TBC1D32: variants seen among roughly 807,000 people sequenced by gnomAD.
TBC1D32 encodes the protein protein broad-minded.
A neutral mutation model predicts 170.3 loss-of-function variants in TBC1D32; 151 were observed. The ratio of observed to expected loss-of-function variants is 0.89; its 90% CI spans 0.78 to 1.01. TBC1D32 has a LOEUF of 1.01. Among genes scored for constraint, TBC1D32 ranks in the 50% least tolerant of loss-of-function variants. The probability of loss-of-function intolerance (pLI) is 0.00; values close to 1 mark genes in which losing one functional copy is unlikely to be tolerated. For missense variants in TBC1D32, 1,464 were observed against 1,457.1 expected (o/e 1.00, Z -0.08); for synonymous variants, 498 against 488.0 (o/e 1.02, Z -0.27).
At chr6:121,334,237 C>A (rs1424786051) in intron 1 of TBC1D32, 39 bp downstream of exon 1, 9 of 1,573,136 alleles carry the variant, frequency 5.7e-6, no homozygotes, top group Admixed American at 1.7e-5. Context: ...CTCTCTGGAT[C>A]GATGGTTTAT....
At position 121,220,100 on chromosome 6, in the gene TBC1D32, A is replaced by T. The variant is rs144176785; in HGVS notation, c.2481+3136T>A. On this transcript the variant is annotated intron_variant, in intron 21 of 31. Transcript: ENST00000398212. The stretch of plus-strand genomic sequence containing the variant: ...TTAGCGCAATTAGTAACCTTACAAA[A>T]CCTCTAAGGGTTCAAATAAAAGGAA... 6.6e-5 allele frequency among the ~76,000 whole-genome samples: 10 copies of T among 152,168 alleles called. No homozygotes were observed. In the East Asian group the frequency reaches 1.9e-3, roughly 29 times the overall value.
At chr6:121,297,836 G>T (rs7772037) in intron 10 of TBC1D32, among the ~76,000 whole-genome samples, 1 of 151,998 alleles carries the variant, frequency 6.6e-6, no homozygotes, top group African/African-American at 2.4e-5. Context: ...AGTCATATGT[G>T]GCTTGTGGTT....
intron 22 of TBC1D32, among the ~76,000 whole-genome samples, chr6:121,173,394 A>C (rs901011379): frequency 7.2e-5 from 11 of 152,136 alleles, no homozygotes; most frequent in Admixed American, 7.2e-4. Flanking sequence ...ACTCCCTTTT[A>C]TATATACTTG....
chr6:121,137,736 G>C (rs1490187734), intron 24 of TBC1D32, among the ~76,000 whole-genome samples: 1 of 151,868 alleles, frequency 6.6e-6, no homozygotes, highest in Non-Finnish European at 1.5e-5. Context: ...GATGTAGAAA[G>C]AGAGACTATA....
chr6:121,116,169 A>C (rs2128201841), intron 26 of TBC1D32, among the ~76,000 whole-genome samples: 1 of 151,400 alleles, frequency 6.6e-6, no homozygotes, highest in Non-Finnish European at 1.5e-5. Context: ...AATATCATGA[A>C]GTTTTTTTTT....
At position 121,223,345 on chromosome 6, in the gene TBC1D32, A is replaced by G; in HGVS notation, c.2372T>C (p.Leu791Ser). The change falls in exon 21 of 32, where the codon TTA (leucine) becomes TCA (serine). Residue 791 changes from leucine to serine, a missense_variant. Physicochemically the swap from Leu to Ser is moderately radical, Grantham distance 145 (BLOSUM62 -2). Coordinates refer to ENST00000398212, the MANE Select transcript of TBC1D32 (RefSeq NM_152730.6). ...ATAGGATAACAAGTTCACCAGTGCT[A>G]AAAAAGACTAGAGGGAAAGAAAACA... ...PIDRSCQKSF[L>S]ALVNLLSYPA... 2 of 1,578,200 alleles carry G rather than the reference A, an allele frequency of 1.3e-6. No individual in the cohort carries two copies. Among genetic ancestry groups the G allele is most frequent in the Non-Finnish European group, 1.7e-6 (2 of 1,162,000 alleles).
chr6:121,175,067 T>C (rs1302060210), intron 22 of TBC1D32, among the ~76,000 whole-genome samples: 1 of 150,334 alleles, frequency 6.7e-6, no homozygotes, highest in Non-Finnish European at 1.5e-5. Context: ...GAACTAATTA[T>C]GATGTAGAGT....
At chr6:121,201,394 G>C (rs1295513704) in intron 22 of TBC1D32, among the ~76,000 whole-genome samples, 2 of 151,376 alleles carry the variant, frequency 1.3e-5, no homozygotes, top group East Asian at 3.9e-4. Context: ...AATGGGCAAA[G>C]GAACTACTTT....
intron 24 of TBC1D32, among the ~76,000 whole-genome samples, chr6:121,141,255 G>T (rs767978930): frequency 4.6e-5 from 7 of 152,024 alleles, no homozygotes; most frequent in African/African-American, 7.2e-5. Flanking sequence ...CTCTGAAGAA[G>T]TGACATTTAG....
intron 15 of TBC1D32, among the ~76,000 whole-genome samples, chr6:121,262,229 C>A (rs950372980): frequency 6.6e-6 from 1 of 152,000 alleles, no homozygotes; most frequent in Non-Finnish European, 1.5e-5. Flanking sequence ...GGAGAACTTC[C>A]CCAACCTAGC....
intron 30 of TBC1D32, chr6:121,095,908 T>TC (rs1307339937): frequency 1.3e-5 from 2 of 152,174 alleles, no homozygotes; most frequent in East Asian, 3.9e-4. Context: ...TGTGTGTGTC[T>TC]CTGCCAGGTT....
intron 15 of TBC1D32, among the ~76,000 whole-genome samples, chr6:121,276,755 C>T (rs914824180): frequency 6.6e-6 from 1 of 152,078 alleles, no homozygotes; most frequent in Non-Finnish European, 1.5e-5. Context: ...GCTGGAGTAG[C>T]TGTATTAGTT....
intron 30 of TBC1D32, among the ~76,000 whole-genome samples, chr6:121,095,695 G>A (rs994514297): frequency 1.1e-4 from 16 of 151,980 alleles, no homozygotes; most frequent in African/African-American, 3.6e-4. Context: ...GATAATCGTG[G>A]TTTTTGTCAT....
chr6:121,307,258 C>A (rs527936751), intron 5 of TBC1D32, among the ~76,000 whole-genome samples: 1 of 152,030 alleles, frequency 6.6e-6, no homozygotes, highest in African/African-American at 2.4e-5. Context: ...GCCTATAATA[C>A]CCAGCTACTT....
intron 3 of TBC1D32, 73 bp downstream of exon 3, chr6:121,317,422 A>AG: frequency 8.1e-7 from 1 of 1,228,960 alleles, no homozygotes; most frequent in Non-Finnish European, 1.1e-6. Flanking sequence ...AAATATGGCT[A>AG]AGAAATAATT....
In TBC1D32 at chr6:121,080,880, A is replaced by C. The variant is rs1385569598; in HGVS notation, c.3665T>G (p.Leu1222Arg). 3 of 1,610,046 alleles carry C rather than the reference A, an allele frequency of 1.9e-6. No homozygotes were observed. The highest frequency in any genetic ancestry group is 2.5e-6 in the Non-Finnish European group (3 of 1,178,988). The change falls in exon 32 of 32, where the codon CTG becomes CGG. Residue 1222 changes from leucine (L) to arginine (R), a missense_variant. Physicochemically the swap from Leu to Arg is moderately radical, Grantham distance 102. This residue lies in a region of TBC1D32 where 97 missense variants were observed against 102.0 expected (regional missense o/e 0.95). Coordinates refer to ENST00000398212, the MANE Select transcript of TBC1D32 (RefSeq NM_152730.6). Reference protein sequence around the residue: ...DLQVFLKEEALHGFRVSDYFE... With the variant: ...DLQVFLKEEARHGFRVSDYFE... The stretch of plus-strand genomic sequence containing the variant: ...ATAATCACTCACTCGAAACCCATGC[A>C]GTGCTTCTTCCTGCCAAAAATTACA...
In TBC1D32 at chr6:121,261,044, C is replaced by T. The variant is rs548295462; in HGVS notation, c.1734-4759G>A. ...TCTTGGCCAGATTGCCTCTTCAGAA[C>T]GGATGCTGACTCAACCCTCCTCACT... is the stretch of plus-strand genomic sequence containing the variant. On this transcript the variant is annotated intron_variant, in intron 15 of 31. Transcript: ENST00000398212. Among the ~76,000 whole-genome samples the T allele has an allele frequency of 2.1e-3, 316 of 152,222 alleles. 1 individual carries two copies. The highest frequency in any genetic ancestry group is 7.3e-3 in the African/African-American group (302 of 41,538).
chr6:121,283,820 G>A lies in TBC1D32; in HGVS notation c.1463C>T (p.Ser488Leu), dbSNP rs140063363. 342 of 1,596,824 alleles carry A rather than the reference G, an allele frequency of 2.1e-4. 2 individuals carry two copies. The East Asian group carries it at 5.8e-3, about 27-fold the overall frequency. ...ATTTAAAATAGAAACAGAATTACCT[G>A]AATGGGCAGCTGATGTCATCTTTGG... ...SCPKMTSAAHSENYSPASMVT... is the reference protein window; with the variant it reads ...SCPKMTSAAHLENYSPASMVT... Residue 488 changes from serine (S) to leucine (L), a missense_variant and splice_region_variant, in exon 13 of 32, where the codon TCA (serine) becomes TTA (leucine). By Grantham distance (145) the Ser-to-Leu change is moderately radical (BLOSUM62 -2). This residue lies in a region of TBC1D32 where 1,363 missense variants were observed against 1,338.1 expected (regional missense o/e 1.02). Transcript: ENST00000398212.
Position 121,156,269 on chromosome 6 carries a change from T to A in TBC1D32, c.2773+3741A>T, listed in dbSNP as rs933356607. On this transcript the variant is annotated intron_variant, in intron 24 of 31. Transcript: ENST00000398212. ...TATCATGTTTTCAGGAACTTATCAA[T>A]ATCCTATAGACTTTCTAATTTGTGT... 3.3e-5 allele frequency among the ~76,000 whole-genome samples: 5 copies of A among 151,988 alleles called. No homozygotes were observed. In the East Asian group the frequency reaches 9.6e-4, roughly 29 times the overall value.
Sources: allele counts gnomAD v4.1 joint callset (sites outside exome capture counted in the v4.1 genomes callset), GRCh38; gene constraint gnomAD v4.1.1; regional missense constraint gnomAD v4.1.1; transcripts MANE v1.5; gene names NCBI Gene and HGNC (gene_info 2026-07-23, HGNC 2026-07-21).